Variants in NIPBL observed in about 807,000 individuals in gnomAD.
NIPBL encodes NIPBL cohesin loading factor.
A neutral mutation model predicts 321.8 loss-of-function variants in NIPBL; 19 were observed. The ratio of observed to expected loss-of-function variants is 0.06; its 90% CI spans 0.04 to 0.09. The LOEUF is 0.09. Among genes scored for constraint, NIPBL ranks in the 10% least tolerant of loss-of-function variants. The pLI is 1.00. For missense variants in NIPBL, 2,210 were observed against 3,327.0 expected, an observed-to-expected ratio of 0.66 and a Z score of 8.26; for synonymous variants, 1,106 against 1,114.1, an observed-to-expected ratio of 0.99 and a Z score of 0.14.
intron 33 of NIPBL, among the ~76,000 whole-genome samples, chr5:37,036,811 A>G (rs1319703479): frequency 6.6e-6 from 1 of 151,934 alleles, no homozygotes; most frequent in Non-Finnish European, 1.5e-5. Context: ...AGCTAATGAT[A>G]CTCATCACAA....
chr5:37,052,459 G>A lies in NIPBL; in HGVS notation c.7156G>A (p.Glu2386Lys). The change falls in exon 42 of 47, where the codon GAG becomes AAG. Residue 2386 changes from glutamate to lysine, a missense_variant. Coordinates refer to ENST00000282516, the MANE Select transcript of NIPBL (RefSeq NM_133433.4). ...TCCTGTAAGGGGTTTCAGACAAGAC[G>A]AGTCCTCTAGCGCTTTGTGTTCACA... ...KDPVRGFRQD[E>K]SSSALCSHLY... 2 of 1,614,052 alleles carry A rather than the reference G, an allele frequency of 1.2e-6. No individual in the cohort carries two copies. The highest frequency in any genetic ancestry group is 1.7e-6 in the Non-Finnish European group (2 of 1,179,984).
At position 36,986,253 on chromosome 5, in the gene NIPBL, A is replaced by G; in HGVS notation, c.3073A>G (p.Arg1025Gly). ...TATTAAAGATAGAGAGGACAAATCA[A>G]GAAGTTCCCTTAAACCTATCAAGAA... Reference protein sequence around the residue: ...KLIKDREDKSRSSLKPIKNKP... With the variant: ...KLIKDREDKSGSSLKPIKNKP... Residue 1025 changes from arginine (R) to glycine (G), a missense_variant, in exon 10 of 47, where the codon AGA becomes GGA. By Grantham distance (125) the Arg-to-Gly change is moderately radical. Transcript: ENST00000282516. The G allele has an allele frequency of 6.4e-7, 1 of 1,557,914 alleles. No homozygotes were observed. Among genetic ancestry groups the G allele is most frequent in the Non-Finnish European group, 8.6e-7 (1 of 1,159,802 alleles).
chr5:37,015,385 A>C (rs1020104198), intron 22 of NIPBL, among the ~76,000 whole-genome samples: 2 of 152,070 alleles, frequency 1.3e-5, no homozygotes, highest in African/African-American at 4.8e-5. Context: ...TGACCTCCCA[A>C]AGTGCTGGGA....
In NIPBL at chr5:36,957,726, T is replaced by G. The variant is rs189587771; in HGVS notation, c.231-378T>G. On this transcript the variant is annotated intron_variant, in intron 3 of 46. Coordinates refer to ENST00000282516, the MANE Select transcript of NIPBL (RefSeq NM_133433.4). The stretch of plus-strand genomic sequence containing the variant: ...GGTCAGCCACAGTGGCTCACACCTG[T>G]AATCCCAGCACTTTGGGAGGCCGAG... Among the ~76,000 whole-genome samples the G allele has an allele frequency of 9.7e-3, 1,478 of 152,304 alleles. 33 individuals are homozygous for G. The highest frequency in any genetic ancestry group is 0.034 in the African/African-American group (1,431 of 41,556).
intron 9 of NIPBL, chr5:36,982,220 C>A: frequency 1.0e-6 from 1 of 981,050 alleles, no homozygotes; most frequent in African/African-American, 1.7e-5. Context: ...AGAGGGCTTA[C>A]AGGTAATCAC....
chr5:36,962,015 T>A, intron 5 of NIPBL, 108 bp from the exon 6 acceptor site: 1 of 1,237,160 alleles, frequency 8.1e-7, no homozygotes, highest in Non-Finnish European at 1.2e-6. Context: ...TGCATAGATT[T>A]TACATATATA....
intron 22 of NIPBL, among the ~76,000 whole-genome samples, chr5:37,015,548 G>T (rs1266361453): frequency 1.3e-5 from 2 of 152,036 alleles, no homozygotes; most frequent in African/African-American, 2.4e-5. Context: ...TGACCAGCGT[G>T]GTGAAACCCT....
chr5:36,915,652 T>G (rs144974806), intron 1 of NIPBL, among the ~76,000 whole-genome samples: 1 of 152,194 alleles, frequency 6.6e-6, no homozygotes, highest in African/African-American at 2.4e-5. Flanking sequence ...GCTTTACATG[T>G]TTGAAGCAGG....
At position 37,010,210 on chromosome 5, in the gene NIPBL, A is replaced by T. The variant is rs1747947750; in HGVS notation, c.4545A>T (p.Glu1515Asp). 3 of 1,608,546 alleles carry T rather than the reference A, an allele frequency of 1.9e-6. No individual in the cohort carries two copies. The highest frequency in any genetic ancestry group is 1.1e-5 in the South Asian group (1 of 90,972). The stretch of plus-strand genomic sequence containing the variant: ...CAGAGAAGGACTCTAATGCAGAAGA[A>T]GATTCAAATAAAAAAGTAAGGAATC... The part of the protein sequence containing the change: ...PSSEKDSNAE[E>D]DSNKKIDQDV... Residue 1515 changes from glutamate to aspartate, a missense_variant, in exon 21 of 47, where the codon GAA becomes GAT. Transcript: ENST00000282516.
At chr5:36,881,937 AG>A (rs1745535317) in intron 1 of NIPBL, among the ~76,000 whole-genome samples, 1 of 152,028 alleles carries the variant, frequency 6.6e-6, no homozygotes, top group African/African-American at 2.4e-5. Context: ...GACAAAGTTC[AG>A]CTTTAGAGAG....
intron 1 of NIPBL, among the ~76,000 whole-genome samples, chr5:36,913,928 A>G (rs910114208): frequency 2.0e-5 from 3 of 152,196 alleles, no homozygotes; most frequent in Non-Finnish European, 4.4e-5. Flanking sequence ...ATATAATCTC[A>G]GTTATTTAAT....
intron 1 of NIPBL, among the ~76,000 whole-genome samples, chr5:36,916,370 C>G (rs1446862571): frequency 1.3e-5 from 2 of 152,222 alleles, no homozygotes. Flanking sequence ...TAGCATCTGA[C>G]TAAAAGTATC....
intron 1 of NIPBL, among the ~76,000 whole-genome samples, chr5:36,883,390 T>C (rs911700715): frequency 6.6e-6 from 1 of 151,902 alleles, no homozygotes; most frequent in Admixed American, 6.5e-5. Flanking sequence ...TTGCCTCTCC[T>C]GAGAAATGCA....
intron 10 of NIPBL, among the ~76,000 whole-genome samples, chr5:36,986,817 G>C (rs183679527): frequency 6.6e-6 from 1 of 152,018 alleles, no homozygotes; most frequent in Non-Finnish European, 1.5e-5. Flanking sequence ...TTTTGTCCTT[G>C]TTTATGCAAA....
intron 1 of NIPBL, among the ~76,000 whole-genome samples, chr5:36,884,407 C>T (rs753634337): frequency 3.3e-5 from 5 of 152,148 alleles, no homozygotes; most frequent in East Asian, 1.9e-4. Context: ...GTTCCCACTT[C>T]TATAGACATA....
chr5:36,966,254 G>C (rs1432284278), intron 6 of NIPBL, among the ~76,000 whole-genome samples: 1 of 151,962 alleles, frequency 6.6e-6, no homozygotes, highest in East Asian at 1.9e-4. Flanking sequence ...TTCACCCCAT[G>C]ACACTAATTT....
intron 1 of NIPBL, among the ~76,000 whole-genome samples, chr5:36,924,748 A>G (rs1437497063): frequency 2.6e-5 from 4 of 152,240 alleles, no homozygotes; most frequent in East Asian, 1.9e-4. Context: ...TCTCCAGTCT[A>G]GCTAATACAA....
intron 1 of NIPBL, among the ~76,000 whole-genome samples, chr5:36,892,552 C>T (rs557664916): frequency 7.0e-4 from 106 of 152,084 alleles, no homozygotes; most frequent in South Asian, 1.0e-3. Context: ...TATCCAACAA[C>T]GATAGACTGG....
rs528301568 is a variant in NIPBL, at chr5:36,991,359, A to T, written c.3122-4263A>T. On this transcript the variant is annotated intron_variant, in intron 10 of 46. Transcript: ENST00000282516. ...AAGCTAAAGTATGTCTGATTTTTTT[A>T]TATAAAGGAAAGTACAGTCATTCAA... 3.9e-5 allele frequency among the ~76,000 whole-genome samples: 6 copies of T among 152,264 alleles called. 1 individual carries two copies. The South Asian group carries it at 1.2e-3, about 32-fold the overall frequency.
Sources: gnomAD v4.1 joint callset for allele counts (sites outside exome capture counted in the v4.1 genomes callset) on GRCh38, gnomAD v4.1.1 for gene constraint, MANE v1.5 for transcripts, NCBI Gene and HGNC (gene_info 2026-07-23, HGNC 2026-07-21) for gene names.